EEFSEC: variants seen among roughly 807,000 people sequenced by gnomAD.
EEFSEC encodes selenocysteine-specific elongation factor.
EEFSEC carries 43 observed loss-of-function variants against 42.1 expected under a neutral mutation model. The ratio of observed to expected loss-of-function variants is 1.02; its 90% CI spans 0.80 to 1.32. The LOEUF (loss-of-function observed/expected upper bound fraction) is 1.32. EEFSEC is among the 40% of genes most tolerant of loss of function. The pLI is 0.00. For missense variants in EEFSEC, 745 were observed against 803.6 expected, an observed-to-expected ratio of 0.93 and a Z score of 0.88; for synonymous variants, 354 against 339.1, an observed-to-expected ratio of 1.04 and a Z score of -0.48.
intron 6 of EEFSEC, among the ~76,000 whole-genome samples, chr3:128,373,929 C>T (rs1489345790): frequency 2.6e-5 from 4 of 152,224 alleles, no homozygotes; most frequent in Non-Finnish European, 5.9e-5. Context: ...GGTTCCATTT[C>T]CTTCCAGCAC....
chr3:128,226,222 C>T (rs979768389), intron 1 of EEFSEC, among the ~76,000 whole-genome samples: 1 of 152,164 alleles, frequency 6.6e-6, no homozygotes, highest in Non-Finnish European at 1.5e-5. Flanking sequence ...CTAGACAGCC[C>T]ATGCCGTAAG....
chr3:128,397,715 G>T (rs2067997925), intron 6 of EEFSEC, among the ~76,000 whole-genome samples: 1 of 152,266 alleles, frequency 6.6e-6, no homozygotes, highest in Non-Finnish European at 1.5e-5. Context: ...CTCAGCTCTG[G>T]CCCAGCTGGC....
At chr3:128,197,834 A>G (rs1294482768) in intron 1 of EEFSEC, among the ~76,000 whole-genome samples, 1 of 151,924 alleles carries the variant, frequency 6.6e-6, no homozygotes, top group Admixed American at 6.6e-5. Context: ...GGTAAATCTT[A>G]TTTCTGATGG....
At chr3:128,421,375 C>T in the EEFSEC span, among the ~76,000 whole-genome samples, 3 of 152,200 alleles carry the variant, frequency 2.0e-5, no homozygotes, top group African/African-American at 7.2e-5. Context: ...CAGGAGGAAG[C>T]GGCACCTCCG....
chr3:128,327,198 C>T (rs2067073505), intron 4 of EEFSEC, among the ~76,000 whole-genome samples: 2 of 152,066 alleles, frequency 1.3e-5, no homozygotes, highest in Non-Finnish European at 2.9e-5. Context: ...GCTGCACTGA[C>T]CATCTTCTTG....
chr3:128,268,444 A>T (rs1420589408), intron 4 of EEFSEC, among the ~76,000 whole-genome samples: 2 of 152,142 alleles, frequency 1.3e-5, no homozygotes, highest in Non-Finnish European at 2.9e-5. Context: ...TGTGGGATGG[A>T]TGTAAATTTT....
intron 6 of EEFSEC, among the ~76,000 whole-genome samples, chr3:128,365,167 T>C (rs2067574797): frequency 6.6e-6 from 1 of 152,196 alleles, no homozygotes; most frequent in East Asian, 1.9e-4. Context: ...GGGCCCTCCG[T>C]GTACAGACCT....
At chr3:128,326,040 A>C (rs1261238356) in intron 4 of EEFSEC, among the ~76,000 whole-genome samples, 1 of 152,216 alleles carries the variant, frequency 6.6e-6, no homozygotes, top group African/African-American at 2.4e-5. Context: ...CATTCCAGAA[A>C]GGCTGGACCA....
chr3:128,194,165 A>G (rs1193693737), intron 1 of EEFSEC, among the ~76,000 whole-genome samples: 3 of 152,206 alleles, frequency 2.0e-5, no homozygotes, highest in Non-Finnish European at 4.4e-5. Flanking sequence ...TTCAGCTCAT[A>G]AAAAAGACAG....
intron 4 of EEFSEC, among the ~76,000 whole-genome samples, chr3:128,267,425 G>A (rs2066366272): frequency 6.6e-6 from 1 of 152,192 alleles, no homozygotes; most frequent in Non-Finnish European, 1.5e-5. Context: ...CACTTTTGGT[G>A]TCTACTGCCT....
At chr3:128,407,856 G>A (rs2107642362) in intron 6 of EEFSEC, among the ~76,000 whole-genome samples, 1 of 152,290 alleles carries the variant, frequency 6.6e-6, no homozygotes, top group Middle Eastern at 3.4e-3. Context: ...CGGGGGTGGT[G>A]AGCTGAGGCC....
intron 1 of EEFSEC, among the ~76,000 whole-genome samples, chr3:128,246,069 A>C (rs781547730): frequency 2.0e-5 from 3 of 152,202 alleles, no homozygotes; most frequent in Non-Finnish European, 4.4e-5. Context: ...AATGACTCCA[A>C]ATCCCGTTAA....
intron 1 of EEFSEC, among the ~76,000 whole-genome samples, chr3:128,193,733 C>T (rs2065551067): frequency 6.6e-6 from 1 of 152,158 alleles, no homozygotes; most frequent in African/African-American, 2.4e-5. Context: ...TAGGATCACA[C>T]ACTAATCCGC....
At chr3:128,260,966 CAAA>C (rs63448265) in intron 2 of EEFSEC, among the ~76,000 whole-genome samples, 1 of 34,770 alleles carries the variant, frequency 2.9e-5, no homozygotes. Context: ...ACAGCCAAGG[CAAA>C]AAAAAAAAAA....
At chr3:128,322,988 T>G (rs1360212823) in intron 4 of EEFSEC, among the ~76,000 whole-genome samples, 1 of 152,204 alleles carries the variant, frequency 6.6e-6, no homozygotes. Context: ...CATTTTCCCA[T>G]TCAGAGTATT....
chr3:128,233,942 A>G (rs2065983029), intron 1 of EEFSEC, among the ~76,000 whole-genome samples: 1 of 152,176 alleles, frequency 6.6e-6, no homozygotes, highest in Admixed American at 6.5e-5. Context: ...TAATTGAAAT[A>G]ATGTGCCTGG....
chr3:128,214,458 A>G (rs180811275), intron 1 of EEFSEC, among the ~76,000 whole-genome samples: 2 of 152,308 alleles, frequency 1.3e-5, no homozygotes, highest in Non-Finnish European at 2.9e-5. Context: ...TTAATTTTGT[A>G]TTATAATTTG....
intron 4 of EEFSEC, among the ~76,000 whole-genome samples, chr3:128,305,982 T>C (rs1183288517): frequency 6.6e-6 from 1 of 152,226 alleles, no homozygotes; most frequent in East Asian, 1.9e-4. Flanking sequence ...TTTCTAGATA[T>C]CCTGCAACTT....
chr3:128,379,605 C>T (rs1376679246), intron 6 of EEFSEC, among the ~76,000 whole-genome samples: 4 of 152,226 alleles, frequency 2.6e-5, no homozygotes, highest in African/African-American at 7.2e-5. Flanking sequence ...TCACACAGGG[C>T]GGTGCCAGGG....
Sources: gnomAD v4.1 joint callset for allele counts (sites outside exome capture counted in the v4.1 genomes callset) on GRCh38, gnomAD v4.1.1 for gene constraint, MANE v1.5 for transcripts, NCBI Gene and HGNC (gene_info 2026-07-23, HGNC 2026-07-21) for gene names.